The following DNAH12 variants were observed in gnomAD, a reference collection of about 807,000 sequenced individuals.
DNAH12 encodes axonemal beta dynein heavy chain 12.
Under a neutral mutation model 371.5 loss-of-function variants are expected in DNAH12, and 285 were observed. The ratio of observed to expected loss-of-function variants is 0.77; its 90% CI spans 0.70 to 0.85. DNAH12 has a LOEUF of 0.85. Among genes scored for constraint, DNAH12 ranks in the 40% least tolerant of loss-of-function variants. DNAH12 has a pLI of 0.00. For missense variants in DNAH12, 3,611 were observed against 3,689.4 expected (o/e 0.98, Z 0.55); for synonymous variants, 1,200 against 1,213.0 (o/e 0.99, Z 0.22).
intron 62 of DNAH12, among the ~76,000 whole-genome samples, chr3:57,327,598 G>C (rs6773015): frequency 0.087 from 13,066 of 150,948 alleles, 1,234 homozygotes; most frequent in African/African-American, 0.3. Flanking sequence ...ATGCCCACAA[G>C]AGAAAGCAGG....
intron 58 of DNAH12, among the ~76,000 whole-genome samples, chr3:57,360,210 A>G (rs1156609055): frequency 1.1e-4 from 16 of 152,280 alleles, no homozygotes; most frequent in African/African-American, 3.6e-4. Flanking sequence ...TATCTCAGCC[A>G]TGGTCCCAGA....
chr3:57,499,239 A>G (rs766828019), intron 11 of DNAH12, among the ~76,000 whole-genome samples: 12 of 152,092 alleles, frequency 7.9e-5, no homozygotes, highest in Non-Finnish European at 1.8e-4. Flanking sequence ...AGGATGGGGT[A>G]TAAGGAAGGT....
At chr3:57,432,920 T>C (rs2153366212) in intron 32 of DNAH12, among the ~76,000 whole-genome samples, 1 of 152,314 alleles carries the variant, frequency 6.6e-6, no homozygotes, top group African/African-American at 2.4e-5. Flanking sequence ...TGTCTCTCAA[T>C]TAAAATAAAT....
chr3:57,429,889 G>C (rs1302310507), intron 32 of DNAH12, 115 bp from the exon 33 acceptor site: 1 of 857,300 alleles, frequency 1.2e-6, no homozygotes, highest in Non-Finnish European at 1.7e-6. Flanking sequence ...ATAAGAATTA[G>C]AATGGAAGCC....
At chr3:57,306,911 C>T (rs1308904795) in intron 69 of DNAH12, among the ~76,000 whole-genome samples, 1 of 152,174 alleles carries the variant, frequency 6.6e-6, no homozygotes, top group African/African-American at 2.4e-5. Context: ...CTACACAACC[C>T]ATTATTCTGT....
intron 25 of DNAH12, among the ~76,000 whole-genome samples, chr3:57,447,020 A>G (rs900307590): frequency 1.3e-5 from 2 of 152,174 alleles, no homozygotes; most frequent in African/African-American, 4.8e-5. Flanking sequence ...GGAGGACAAT[A>G]ATGACACATT....
chr3:57,449,308 C>A (rs1230767982), intron 25 of DNAH12, among the ~76,000 whole-genome samples: 1 of 152,236 alleles, frequency 6.6e-6, no homozygotes, highest in Non-Finnish European at 1.5e-5. Context: ...ACCCGGGCTG[C>A]AGGTGGAGCT....
chr3:57,313,690 C>T (rs780181747), intron 66 of DNAH12, among the ~76,000 whole-genome samples: 13 of 152,072 alleles, frequency 8.5e-5, no homozygotes, highest in Non-Finnish European at 1.3e-4. Context: ...GCCTGTAGTC[C>T]CAGTTACTCC....
At chr3:57,487,763 TA>T (rs2066981335) in intron 12 of DNAH12, among the ~76,000 whole-genome samples, 1 of 152,226 alleles carries the variant, frequency 6.6e-6, no homozygotes, top group South Asian at 2.1e-4. Context: ...ATCATAGCTT[TA>T]TAATAAGATA....
chr3:57,510,588 C>T (rs970945630), intron 5 of DNAH12, among the ~76,000 whole-genome samples: 4 of 151,224 alleles, frequency 2.6e-5, no homozygotes, highest in African/African-American at 9.7e-5. Context: ...TGCAGTGAGC[C>T]GAAATAGCAC....
chr3:57,483,349 C>A, intron 13 of DNAH12, 27 bp downstream of exon 13: 1 of 1,537,854 alleles, frequency 6.5e-7, no homozygotes. Context: ...GAAAACAAAC[C>A]AAAATATGCA....
At chr3:57,526,957 C>T (rs190118877) in intron 2 of DNAH12, among the ~76,000 whole-genome samples, 3,560 of 152,146 alleles carry the variant, frequency 0.023, 65 homozygotes, top group Middle Eastern at 0.034. Flanking sequence ...GCCTCAGCCT[C>T]CTGAGTAGCT....
intron 2 of DNAH12, among the ~76,000 whole-genome samples, chr3:57,533,772 A>T (rs1349090572): frequency 1.3e-5 from 2 of 152,098 alleles, no homozygotes; most frequent in Admixed American, 6.6e-5. Context: ...CTTCATGCGG[A>T]AGGAAGGGTC....
Position 57,542,764 on chromosome 3 carries a change from G to C in DNAH12, c.107C>G (p.Thr36Arg), listed in dbSNP as rs746131758. The C allele has an allele frequency of 8.1e-6, 13 of 1,612,544 alleles. No homozygotes were observed. Among genetic ancestry groups the C allele is most frequent in the Non-Finnish European group, 1.0e-5 (12 of 1,179,426 alleles). The change falls in exon 2 of 74, where the codon ACA (threonine) becomes AGA (arginine). Residue 36 changes from threonine to arginine, a missense_variant. Around this residue, in one of 3 missense-constraint regions of DNAH12, gnomAD observed 1,314 missense variants for 1,398.7 expected, o/e 0.94. Transcript: ENST00000495027. ...LPENIGVDTP[T>R]QSKLLKYRRS... ...TCTGTATTTTAGCAGCTTACTTTGT[G>C]TTGGTGTATCAACGCCTATGTTTTC...
chr3:57,333,176 T>G (rs1366693430), intron 62 of DNAH12, among the ~76,000 whole-genome samples: 1 of 152,042 alleles, frequency 6.6e-6, no homozygotes, highest in Non-Finnish European at 1.5e-5. Flanking sequence ...CTTGGCTCAC[T>G]GCAACCTCTG....
upstream of DNAH12, among the ~76,000 whole-genome samples, chr3:57,545,033 T>G (rs1250014733): frequency 6.6e-6 from 1 of 151,940 alleles, no homozygotes; most frequent in Non-Finnish European, 1.5e-5. Context: ...TACACTATTG[T>G]GTCTGGCACA....
chr3:57,294,653 A>G (rs761129099), intron 73 of DNAH12, among the ~76,000 whole-genome samples: 14 of 152,156 alleles, frequency 9.2e-5, no homozygotes, highest in Non-Finnish European at 1.9e-4. Context: ...AAAAGAAGAA[A>G]TACAACTGCT....
chr3:57,508,602 T>G (rs2067866185), intron 6 of DNAH12, 62 bp from the exon 7 acceptor site: 1 of 1,527,026 alleles, frequency 6.5e-7, no homozygotes, highest in South Asian at 1.3e-5. Context: ...CTTTAGGAAA[T>G]AATGCTTATA....
chr3:57,318,944 T>A (rs186413199), intron 65 of DNAH12, among the ~76,000 whole-genome samples: 2 of 152,254 alleles, frequency 1.3e-5, no homozygotes, highest in African/African-American at 4.8e-5. Context: ...AAATTAAATC[T>A]GTAGATCACT....
Sources: allele counts gnomAD v4.1 joint callset (sites outside exome capture counted in the v4.1 genomes callset), GRCh38; gene constraint gnomAD v4.1.1; regional missense constraint gnomAD v4.1.1; transcripts MANE v1.5; gene names NCBI Gene and HGNC (gene_info 2026-07-23, HGNC 2026-07-21).